Variants in SMPX observed in about 807,000 individuals in gnomAD.
SMPX encodes the protein small muscular protein.
SMPX carries 2 observed loss-of-function variants against 6.3 expected under a neutral mutation model. The observed-to-expected ratio is 0.32, with a 90% CI of 0.13 to 0.99. SMPX has a LOEUF of 0.99. Among genes scored for constraint, SMPX ranks in the 50% least tolerant of loss-of-function variants. The pLI, the probability that SMPX is intolerant of heterozygous loss-of-function variation, is 0.49. For synonymous variants in SMPX, 32 were observed against 24.7 expected (o/e 1.30, Z -0.88); for missense variants, 60 against 66.8 (o/e 0.90, Z 0.36).
chrX:21,711,430 G>C (rs2092778567), intron 4 of SMPX, among the ~76,000 whole-genome samples: 1 of 111,743 alleles, frequency 8.9e-6, no homozygotes, highest in Admixed American at 9.5e-5. Flanking sequence ...TGATGGGGAA[G>C]GTATGGCAAC....
intron 4 of SMPX, among the ~76,000 whole-genome samples, chrX:21,707,306 A>G (rs917582165): frequency 8.0e-5 from 9 of 111,846 alleles, no homozygotes; most frequent in African/African-American, 2.6e-4. Context: ...TGATAGGAAT[A>G]AGTCAACATT....
intron 4 of SMPX, among the ~76,000 whole-genome samples, chrX:21,715,556 G>A (rs2092784203): frequency 9.0e-6 from 1 of 111,070 alleles, no homozygotes; most frequent in Admixed American, 9.5e-5. Context: ...ACATCCATAT[G>A]AATCCCTGGG....
intron 4 of SMPX, among the ~76,000 whole-genome samples, chrX:21,708,846 C>G (rs757813064): frequency 8.9e-6 from 1 of 112,470 alleles, no homozygotes; most frequent in African/African-American, 3.2e-5. Context: ...ACAACTACCA[C>G]TTCACTCTTT....
At chrX:21,749,607 G>C (rs763587906) in intron 2 of SMPX, among the ~76,000 whole-genome samples, 2 of 111,868 alleles carry the variant, frequency 1.8e-5, no homozygotes, top group African/African-American at 6.5e-5. Context: ...CTGAATAATT[G>C]ATTTTAGGGC....
At chrX:21,751,526 T>C (rs772183698) in intron 2 of SMPX, among the ~76,000 whole-genome samples, 8 of 112,254 alleles carry the variant, frequency 7.1e-5, no homozygotes, top group South Asian at 3.7e-4. Context: ...ATGAGGAAAC[T>C]GAGGCACAAA....
chrX:21,752,665 G>T (rs1044033081), intron 2 of SMPX, among the ~76,000 whole-genome samples: 5 of 110,112 alleles, frequency 4.5e-5, no homozygotes, highest in African/African-American at 1.7e-4. Flanking sequence ...CTACAGGTGT[G>T]TGCCACAATG....
At chrX:21,707,647 T>TGA (rs2092774425) in intron 4 of SMPX, among the ~76,000 whole-genome samples, 1 of 112,528 alleles carries the variant, frequency 8.9e-6, no homozygotes, top group Non-Finnish European at 1.9e-5. Context: ...GCCAACAGAA[T>TGA]GAGGCAGAAA....
chrX:21,719,524 A>AAAG (rs1232060742), intron 4 of SMPX, among the ~76,000 whole-genome samples: 4 of 108,460 alleles, frequency 3.7e-5, no homozygotes, highest in Admixed American at 9.8e-5. Flanking sequence ...TCAAAAAAAA[A>AAAG]AAGAAGAAGA....
At chrX:21,724,393 T>C (rs1269158964) in intron 4 of SMPX, among the ~76,000 whole-genome samples, 1 of 112,665 alleles carries the variant, frequency 8.9e-6, no homozygotes, top group African/African-American at 3.2e-5. Flanking sequence ...GTGGTATGTT[T>C]GTATGTGTAT....
At chrX:21,718,402 G>A (rs976766041) in intron 4 of SMPX, among the ~76,000 whole-genome samples, 3 of 112,193 alleles carry the variant, frequency 2.7e-5, no homozygotes, top group African/African-American at 9.7e-5. Context: ...AGGCCCAGGG[G>A]CTCCTCACTG....
At chrX:21,748,293 C>T (rs1036910340) in intron 2 of SMPX, among the ~76,000 whole-genome samples, 4 of 112,196 alleles carry the variant, frequency 3.6e-5, no homozygotes, top group Non-Finnish European at 5.6e-5. Flanking sequence ...TACTTTGCCA[C>T]TGTTCTTCAC....
chrX:21,749,906 G>A (rs984031809), intron 2 of SMPX, among the ~76,000 whole-genome samples: 2 of 111,991 alleles, frequency 1.8e-5, no homozygotes, highest in South Asian at 7.5e-4. Flanking sequence ...TAAGACTGGG[G>A]CACAGGACTC....
chrX:21,739,678 T>C (rs1052361841), intron 3 of SMPX, among the ~76,000 whole-genome samples: 9 of 111,967 alleles, frequency 8.0e-5, no homozygotes, highest in Non-Finnish European at 1.5e-4. Context: ...TATAAAGTGC[T>C]GTGTGTGTGT....
intron 4 of SMPX, among the ~76,000 whole-genome samples, chrX:21,711,529 G>T (rs2092778750): frequency 8.9e-6 from 1 of 111,921 alleles, no homozygotes; most frequent in African/African-American, 3.3e-5. Context: ...GTTTACATTT[G>T]GGAAGGGCAC....
intron 4 of SMPX, among the ~76,000 whole-genome samples, chrX:21,719,255 C>T (rs767845519): frequency 8.9e-6 from 1 of 111,906 alleles, no homozygotes; most frequent in South Asian, 3.7e-4. Context: ...CGCAGTGGCT[C>T]ACGCCTGTAA....
chrX:21,730,900 A>G (rs529898587), intron 4 of SMPX, among the ~76,000 whole-genome samples: 5 of 112,227 alleles, frequency 4.5e-5, no homozygotes, highest in African/African-American at 1.3e-4. Flanking sequence ...TAAGTTTACT[A>G]TAAGATGATA....
At chrX:21,747,372 C>A (rs1027753921) in intron 2 of SMPX, among the ~76,000 whole-genome samples, 1 of 111,461 alleles carries the variant, frequency 9.0e-6, no homozygotes, top group African/African-American at 3.3e-5. Context: ...GAAAAAAAAT[C>A]TACTAGATCA....
At chrX:21,725,272 G>A (rs1054610337) in intron 4 of SMPX, among the ~76,000 whole-genome samples, 6 of 112,175 alleles carry the variant, frequency 5.3e-5, no homozygotes, top group Admixed American at 9.4e-5. Context: ...CATTGAGATC[G>A]ACATAGCTCT....
chrX:21,737,549 C>T lies in SMPX; in HGVS notation c.*14G>A. On this transcript the variant is annotated splice_region_variant and 3_prime_UTR_variant, in exon 4 of 5. Coordinates refer to ENST00000379494, the MANE Select transcript of SMPX (RefSeq NM_014332.3). ...ACAAAGAAGATAGTTTTTCACTCAC[C>T]TTTTTTCTTCCTACTACTGTTCAGC... 1 of 1,204,856 alleles carries T rather than the reference C, an allele frequency of 8.3e-7. No homozygotes were observed. The highest frequency in any genetic ancestry group is 1.1e-6 in the Non-Finnish European group (1 of 889,963).
Sources: gnomAD v4.1 joint callset for allele counts (sites outside exome capture counted in the v4.1 genomes callset) on GRCh38, gnomAD v4.1.1 for gene constraint, MANE v1.5 for transcripts, NCBI Gene and HGNC (gene_info 2026-07-23, HGNC 2026-07-21) for gene names.